Variants in PPP2R5E observed in about 807,000 individuals in gnomAD.
PPP2R5E encodes serine/threonine-protein phosphatase 2A 56 kDa regulatory subunit epsilon isoform.
In PPP2R5E, 4 loss-of-function variants were observed where a neutral mutation model predicts 65.3. The ratio of observed to expected loss-of-function variants is 0.06; its 90% CI spans 0.03 to 0.14. The LOEUF is 0.14. Among genes scored for constraint, PPP2R5E ranks in the 10% least tolerant of loss-of-function variants. The pLI, the probability that PPP2R5E is intolerant of heterozygous loss-of-function variation, is 1.00. For missense variants in PPP2R5E, 274 were observed against 556.1 expected, an observed-to-expected ratio of 0.49 and a Z score of 5.10; for synonymous variants, 183 against 187.4, an observed-to-expected ratio of 0.98 and a Z score of 0.19.
At chr14:63,471,284 A>G (rs1445914476) in intron 2 of PPP2R5E, among the ~76,000 whole-genome samples, 2 of 152,194 alleles carry the variant, frequency 1.3e-5, no homozygotes, top group African/African-American at 4.8e-5. Flanking sequence ...TCTATCCTCT[A>G]TTGAAAATAT....
Position 63,374,027 on chromosome 14 carries a change from T to C in PPP2R5E, c.*1982A>G, listed in dbSNP as rs1359805642. ...TTTAAAAAAAAAAAAAAAAAAACTA[T>C]TAATTCCATTAAACCATGTTGCGTC... On this transcript the variant is annotated 3_prime_UTR_variant, in exon 14 of 14. Coordinates refer to ENST00000337537, the MANE Select transcript of PPP2R5E (RefSeq NM_006246.5). 6.6e-6 allele frequency: 1 copy of C among 150,972 alleles called. No homozygotes were observed. The highest frequency in any genetic ancestry group is 1.5e-5 in the Non-Finnish European group (1 of 67,744). The allele number at this position is 150,972 out of a possible 1,614,324, so 9.4% of individuals were successfully genotyped here.
chr14:63,422,530 T>C (rs1412265836), intron 3 of PPP2R5E, among the ~76,000 whole-genome samples: 1 of 151,978 alleles, frequency 6.6e-6, no homozygotes, highest in African/African-American at 2.4e-5. Context: ...ATCGAGACCA[T>C]CCTGGCTAAC....
At chr14:63,508,114 C>A (rs1007772093) in intron 2 of PPP2R5E, 1 of 982,274 alleles carries the variant, frequency 1.0e-6, no homozygotes, top group Non-Finnish European at 1.2e-6. Context: ...CCCACACACA[C>A]TTCTACACAC....
At chr14:63,461,049 G>T (rs1475157052) in intron 2 of PPP2R5E, among the ~76,000 whole-genome samples, 5 of 152,150 alleles carry the variant, frequency 3.3e-5, no homozygotes, top group African/African-American at 1.2e-4. Flanking sequence ...TTTTAAAACT[G>T]ATCAACTCCT....
chr14:63,524,437 G>C (rs777131266), intron 2 of PPP2R5E, among the ~76,000 whole-genome samples: 1 of 152,128 alleles, frequency 6.6e-6, no homozygotes, highest in East Asian at 1.9e-4. Context: ...AACCACCTTG[G>C]GCAGCATGAA....
intron 3 of PPP2R5E, among the ~76,000 whole-genome samples, chr14:63,436,803 T>A (rs1192537770): frequency 6.6e-6 from 1 of 152,208 alleles, no homozygotes; most frequent in African/African-American, 2.4e-5. Context: ...ACATTTTAAA[T>A]GTGCTTTAAA....
chr14:63,391,915 T>C (rs1476975376), intron 9 of PPP2R5E, 48 bp from the exon 10 acceptor site: 3 of 1,607,492 alleles, frequency 1.9e-6, no homozygotes, highest in Admixed American at 1.7e-5. Flanking sequence ...TTTTCATATA[T>C]ACTTCTGGGA....
intron 5 of PPP2R5E, among the ~76,000 whole-genome samples, chr14:63,408,005 A>G (rs61995005): frequency 0.056 from 8,483 of 152,314 alleles, 283 homozygotes; most frequent in South Asian, 0.087. Flanking sequence ...AAGCAGCACA[A>G]AAGAACTAAG....
At chr14:63,471,191 C>T (rs1890109874) in intron 2 of PPP2R5E, among the ~76,000 whole-genome samples, 1 of 152,162 alleles carries the variant, frequency 6.6e-6, no homozygotes, top group South Asian at 2.1e-4. Flanking sequence ...TCTGATAAAA[C>T]CAGATGTCTT....
At chr14:63,387,448 G>A (rs1884738661) in intron 11 of PPP2R5E, among the ~76,000 whole-genome samples, 2 of 152,170 alleles carry the variant, frequency 1.3e-5, no homozygotes, top group South Asian at 4.1e-4. Flanking sequence ...CACAGAGGCA[G>A]TGTCACCAGC....
intron 2 of PPP2R5E, among the ~76,000 whole-genome samples, chr14:63,487,526 A>T (rs764660256): frequency 2.0e-5 from 3 of 152,194 alleles, no homozygotes; most frequent in Admixed American, 6.5e-5. Context: ...GGTCAATGCC[A>T]ACGATGTAGG....
chr14:63,468,332 G>A (rs942105264), intron 2 of PPP2R5E, among the ~76,000 whole-genome samples: 1 of 152,128 alleles, frequency 6.6e-6, no homozygotes, highest in Admixed American at 6.5e-5. Context: ...ATGTCTGGTT[G>A]TGTAAGCATA....
intron 4 of PPP2R5E, among the ~76,000 whole-genome samples, chr14:63,417,038 A>G (rs1886734611): frequency 6.6e-6 from 1 of 152,224 alleles, no homozygotes. Flanking sequence ...AGAATCTGAA[A>G]TGATATCAAT....
chr14:63,425,911 G>GGCCTTCTTATTTT (rs1887308397), intron 3 of PPP2R5E, among the ~76,000 whole-genome samples: 2 of 152,174 alleles, frequency 1.3e-5, no homozygotes, highest in Non-Finnish European at 2.9e-5. Flanking sequence ...AGGCCAAGTT[G>GGCCTTCTTATTTT]GGTAAATAAT....
At chr14:63,393,680 C>T in intron 8 of PPP2R5E, 140 bp downstream of exon 8, 2 of 580,084 alleles carry the variant, frequency 3.4e-6, no homozygotes, top group Non-Finnish European at 3.0e-6. Flanking sequence ...CCACTGCACT[C>T]CAGCCTGGGC....
chr14:63,520,443 A>T (rs1892854442), intron 2 of PPP2R5E, among the ~76,000 whole-genome samples: 1 of 152,190 alleles, frequency 6.6e-6, no homozygotes, highest in Non-Finnish European at 1.5e-5. Flanking sequence ...AGCACTTGCC[A>T]TTGTTGGAAT....
At chr14:63,472,918 G>A (rs373537327) in intron 2 of PPP2R5E, among the ~76,000 whole-genome samples, 1 of 152,294 alleles carries the variant, frequency 6.6e-6, no homozygotes, top group South Asian at 2.1e-4. Flanking sequence ...GTGTTTTAGC[G>A]GGGGCTGAAG....
chr14:63,502,522 C>G (rs1041121427), intron 2 of PPP2R5E, among the ~76,000 whole-genome samples: 39 of 151,960 alleles, frequency 2.6e-4, no homozygotes, highest in Non-Finnish European at 3.7e-4. Flanking sequence ...CAAAAATTAG[C>G]CAGGCATGGT....
intron 2 of PPP2R5E, 75 bp downstream of exon 2, chr14:63,539,454 C>T: frequency 6.7e-7 from 1 of 1,488,052 alleles, no homozygotes; most frequent in Non-Finnish European, 9.1e-7. Flanking sequence ...ATATAAAACT[C>T]TACAAAAAGG....
Sources: gnomAD v4.1 joint callset for allele counts (sites outside exome capture counted in the v4.1 genomes callset) on GRCh38, gnomAD v4.1.1 for gene constraint, MANE v1.5 for transcripts, NCBI Gene and HGNC (gene_info 2026-07-23, HGNC 2026-07-21) for gene names.